Variants in NRG1 observed in about 807,000 individuals in gnomAD.
NRG1 encodes the protein pro-neuregulin-1, membrane-bound isoform.
A neutral mutation model predicts 63.8 loss-of-function variants in NRG1; 18 were observed. The ratio of observed to expected loss-of-function variants is 0.28; its 90% CI spans 0.19 to 0.42. NRG1 has a LOEUF of 0.42. Ranked by LOEUF, NRG1 falls within the 10% of genes least tolerant of loss-of-function variation. The pLI, the probability that NRG1 is intolerant of heterozygous loss-of-function variation, is 1.00. For synonymous variants in NRG1, 302 were observed against 301.3 expected (o/e 1.00, Z -0.02); for missense variants, 762 against 814.7 (o/e 0.94, Z 0.79).
At chr8:32,304,191 T>A (rs1855940152) in intron 1 of NRG1, among the ~76,000 whole-genome samples, 1 of 152,262 alleles carries the variant, frequency 6.6e-6, no homozygotes, top group Admixed American at 6.5e-5. Context: ...TTTGGCTGAA[T>A]ATTGTTTTAA....
intron 1 of NRG1, among the ~76,000 whole-genome samples, chr8:31,721,750 G>A (rs1463008992): frequency 6.6e-6 from 1 of 152,100 alleles, no homozygotes; most frequent in Non-Finnish European, 1.5e-5. Context: ...AACGCATGTT[G>A]CAGTTCCATC....
At chr8:31,793,193 G>A (rs1820879692) in intron 1 of NRG1, among the ~76,000 whole-genome samples, 1 of 152,070 alleles carries the variant, frequency 6.6e-6, no homozygotes, top group South Asian at 2.1e-4. Flanking sequence ...CTTGAGGCAG[G>A]AAAGAAAAAC....
At chr8:32,161,573 A>G (rs1385657362) in intron 1 of NRG1, among the ~76,000 whole-genome samples, 1 of 152,158 alleles carries the variant, frequency 6.6e-6, no homozygotes, top group Non-Finnish European at 1.5e-5. Flanking sequence ...AATGAAAAAA[A>G]AAAAACACTG....
At chr8:31,713,375 C>T (rs1812019780) in intron 1 of NRG1, among the ~76,000 whole-genome samples, 2 of 152,060 alleles carry the variant, frequency 1.3e-5, no homozygotes, top group Admixed American at 1.3e-4. Flanking sequence ...CTCGGCCTCC[C>T]AAAGTGCTGG....
At chr8:32,074,017 C>T (rs1826137607) in intron 1 of NRG1, among the ~76,000 whole-genome samples, 1 of 152,090 alleles carries the variant, frequency 6.6e-6, no homozygotes, top group South Asian at 2.1e-4. Context: ...ACAAAGACAA[C>T]CTCTAGAAAG....
At chr8:32,732,799 C>CTTTTTTTTT (rs1173388613) in intron 6 of NRG1, among the ~76,000 whole-genome samples, 50 of 83,362 alleles carry the variant, frequency 6.0e-4, no homozygotes, top group Admixed American at 7.0e-4. Flanking sequence ...TGTTTAATTT[C>CTTTTTTTTT]TTTTTTTTTT....
At chr8:32,291,025 G>C (rs1281375139) in intron 1 of NRG1, among the ~76,000 whole-genome samples, 1 of 152,042 alleles carries the variant, frequency 6.6e-6, no homozygotes, top group African/African-American at 2.4e-5. Flanking sequence ...AAGCCAGCAG[G>C]CTCCATACCC....
intron 1 of NRG1, among the ~76,000 whole-genome samples, chr8:32,565,416 C>T (rs372753288): frequency 4.3e-4 from 65 of 152,172 alleles, no homozygotes; most frequent in African/African-American, 1.2e-3. Flanking sequence ...CCATTATGCC[C>T]GGTCTAGAAC....
At chr8:32,322,626 C>T (rs962210571) in intron 1 of NRG1, among the ~76,000 whole-genome samples, 3 of 151,950 alleles carry the variant, frequency 2.0e-5, no homozygotes, top group East Asian at 1.9e-4. Context: ...TTGTGGAGAT[C>T]GTGTCACTGC....
chr8:32,681,300 A>G (rs1308309047), intron 5 of NRG1, among the ~76,000 whole-genome samples: 2 of 152,190 alleles, frequency 1.3e-5, no homozygotes, highest in Non-Finnish European at 2.9e-5. Context: ...ACCTAGTCAG[A>G]CAAAGCAAAA....
At chr8:32,552,312 C>T (rs1214021862) in intron 1 of NRG1, among the ~76,000 whole-genome samples, 12 of 151,410 alleles carry the variant, frequency 7.9e-5, no homozygotes, top group South Asian at 2.1e-4. Flanking sequence ...CACCTCTGCA[C>T]GGAATTCTGT....
At chr8:32,420,784 C>T (rs757823686) in intron 1 of NRG1, among the ~76,000 whole-genome samples, 3 of 152,154 alleles carry the variant, frequency 2.0e-5, no homozygotes, top group Non-Finnish European at 2.9e-5. Flanking sequence ...GGCTGTATGT[C>T]TCCACCCAAA....
chr8:31,910,344 C>T (rs964015977), intron 1 of NRG1, among the ~76,000 whole-genome samples: 7 of 152,090 alleles, frequency 4.6e-5, no homozygotes, highest in Non-Finnish European at 1.0e-4. Context: ...CTAGAATATG[C>T]TATATCTTGA....
chr8:32,325,742 GAATA>G (rs1342141422), intron 1 of NRG1, among the ~76,000 whole-genome samples: 1 of 152,102 alleles, frequency 6.6e-6, no homozygotes, highest in Non-Finnish European at 1.5e-5. Context: ...TTTAAATAAA[GAATA>G]AATTAAAAAT....
At chr8:32,165,019 C>T (rs959098593) in intron 1 of NRG1, among the ~76,000 whole-genome samples, 30 of 152,124 alleles carry the variant, frequency 2.0e-4, no homozygotes, top group African/African-American at 7.2e-4. Context: ...TCTCCCTCTC[C>T]CCCACCCCCC....
chr8:32,291,951 T>C (rs1364020636), intron 1 of NRG1, among the ~76,000 whole-genome samples: 2 of 152,224 alleles, frequency 1.3e-5, no homozygotes, highest in East Asian at 1.9e-4. Flanking sequence ...CAGGAGTTTA[T>C]AGCATACCTT....
intron 6 of NRG1, 74 bp from the exon 7 acceptor site, chr8:32,741,934 G>T: frequency 9.4e-7 from 1 of 1,068,414 alleles, no homozygotes; most frequent in East Asian, 2.4e-5. Flanking sequence ...ATATTCCATA[G>T]GAGGAAAATT....
At chr8:31,953,952 C>A (rs1803917000) in intron 1 of NRG1, among the ~76,000 whole-genome samples, 1 of 152,078 alleles carries the variant, frequency 6.6e-6, no homozygotes, top group Admixed American at 6.5e-5. Flanking sequence ...CCTTTTTGTG[C>A]CTTAGTATTT....
chr8:32,163,381 G>T (rs1029984477), intron 1 of NRG1, among the ~76,000 whole-genome samples: 3 of 152,196 alleles, frequency 2.0e-5, no homozygotes, highest in African/African-American at 7.2e-5. Flanking sequence ...TTGATGAGCT[G>T]GCTCTCCAAG....
Sources: gnomAD v4.1 joint callset for allele counts (sites outside exome capture counted in the v4.1 genomes callset) on GRCh38, gnomAD v4.1.1 for gene constraint, MANE v1.5 for transcripts, NCBI Gene and HGNC (gene_info 2026-07-23, HGNC 2026-07-21) for gene names.